The following MACROD2 variants were observed in gnomAD, a reference collection of about 807,000 sequenced individuals.
MACROD2 encodes ADP-ribose glycohydrolase MACROD2.
In MACROD2, 36 loss-of-function variants were observed where a neutral mutation model predicts 70.4. That is an observed-to-expected ratio of 0.51 (90% CI 0.39 to 0.68). The LOEUF (loss-of-function observed/expected upper bound fraction) is 0.68. Among genes scored for constraint, MACROD2 ranks in the 30% least tolerant of loss-of-function variants. MACROD2 has a pLI of 0.00. For synonymous variants in MACROD2, 172 were observed against 178.8 expected, an observed-to-expected ratio of 0.96 and a Z score of 0.30; for missense variants, 496 against 538.4, an observed-to-expected ratio of 0.92 and a Z score of 0.78.
chr20:15,266,920 G>GC (rs1180273013), intron 6 of MACROD2, among the ~76,000 whole-genome samples: 3 of 152,208 alleles, frequency 2.0e-5, no homozygotes, highest in African/African-American at 7.2e-5. Context: ...ATTCTAGAGG[G>GC]CAGGGGCGCG....
chr20:15,014,387 A>G (rs1600948169), intron 5 of MACROD2, among the ~76,000 whole-genome samples: 2 of 152,310 alleles, frequency 1.3e-5, no homozygotes, highest in East Asian at 3.9e-4. Flanking sequence ...ACTAGCATTT[A>G]CCCAACTATC....
intron 8 of MACROD2, among the ~76,000 whole-genome samples, chr20:15,816,633 C>T (rs999305368): frequency 3.9e-5 from 6 of 152,162 alleles, no homozygotes; most frequent in African/African-American, 1.2e-4. Flanking sequence ...TCTGCTCCTT[C>T]GATATTTGAC....
At chr20:14,687,827 T>G (rs1281722716) in intron 5 of MACROD2, among the ~76,000 whole-genome samples, 2 of 152,194 alleles carry the variant, frequency 1.3e-5, no homozygotes, top group Non-Finnish European at 2.9e-5. Flanking sequence ...ATTTAAAAGG[T>G]TAATGATTTA....
At chr20:15,488,705 T>A (rs1487320649) in intron 7 of MACROD2, among the ~76,000 whole-genome samples, 1 of 152,190 alleles carries the variant, frequency 6.6e-6, no homozygotes, top group Non-Finnish European at 1.5e-5. Context: ...CATTTTCATC[T>A]CTCAGTAGAT....
At chr20:15,965,626 A>G (rs1293321646) in intron 12 of MACROD2, among the ~76,000 whole-genome samples, 3 of 152,146 alleles carry the variant, frequency 2.0e-5, no homozygotes, top group Non-Finnish European at 4.4e-5. Context: ...TAAATCTAAA[A>G]CACTTTCAAA....
At chr20:14,983,160 TG>T (rs1377293071) in intron 5 of MACROD2, among the ~76,000 whole-genome samples, 1 of 152,200 alleles carries the variant, frequency 6.6e-6, no homozygotes, top group Admixed American at 6.5e-5. Flanking sequence ...CCCTTTGTTT[TG>T]GCCAATTTCT....
intron 3 of MACROD2, among the ~76,000 whole-genome samples, chr20:14,208,518 A>G (rs917129495): frequency 6.6e-6 from 1 of 152,220 alleles, no homozygotes; most frequent in Non-Finnish European, 1.5e-5. Flanking sequence ...AGTTCAGAAC[A>G]GATTAAAGCT....
At chr20:14,816,025 A>G (rs1054526124) in intron 5 of MACROD2, among the ~76,000 whole-genome samples, 2 of 152,072 alleles carry the variant, frequency 1.3e-5, no homozygotes, top group Non-Finnish European at 2.9e-5. Context: ...TAACACTATC[A>G]GATGTTCCTT....
At chr20:15,516,581 C>G (rs2047570445) in intron 8 of MACROD2, among the ~76,000 whole-genome samples, 2 of 152,128 alleles carry the variant, frequency 1.3e-5, no homozygotes, top group Non-Finnish European at 1.5e-5. Context: ...AAGGAAGACT[C>G]TGGGTGCGTT....
chr20:14,036,877 A>G (rs1399338767), intron 2 of MACROD2, among the ~76,000 whole-genome samples: 1 of 152,132 alleles, frequency 6.6e-6, no homozygotes, highest in East Asian at 1.9e-4. Context: ...TTCCCAGACC[A>G]TGTTGATTAT....
intron 6 of MACROD2, among the ~76,000 whole-genome samples, chr20:15,428,900 A>G (rs567512876): frequency 6.7e-6 from 1 of 149,798 alleles, no homozygotes; most frequent in Non-Finnish European, 1.5e-5. Flanking sequence ...GTTGTCAAAC[A>G]TTTTTTTTTT....
intron 3 of MACROD2, chr20:14,223,155 G>A (rs2081696613): frequency 6.6e-6 from 1 of 152,212 alleles, no homozygotes; most frequent in Non-Finnish European, 1.5e-5. Context: ...TGTCCACACT[G>A]TTTGGCATCA....
At chr20:15,757,706 C>G (rs1335633260) in intron 8 of MACROD2, among the ~76,000 whole-genome samples, 1 of 152,126 alleles carries the variant, frequency 6.6e-6, no homozygotes, top group Non-Finnish European at 1.5e-5. Context: ...TGAGGACCCT[C>G]TTTCTCATTT....
chr20:14,567,313 T>C (rs1255234699), intron 4 of MACROD2, among the ~76,000 whole-genome samples: 1 of 152,016 alleles, frequency 6.6e-6, no homozygotes, highest in Non-Finnish European at 1.5e-5. Flanking sequence ...TTTGATAGTA[T>C]TAAAAAGAAT....
In MACROD2 at chr20:14,943,356, AT is replaced by A. The variant is rs542243403; in HGVS notation, c.418+258408del. On this transcript the variant is annotated intron_variant, in intron 5 of 17. Coordinates refer to ENST00000684519, the MANE Select transcript of MACROD2 (RefSeq NM_001351661.2). The stretch of plus-strand genomic sequence containing the variant: ...TTTTTATTTAAGTTTTATAGTACAG[AT>A]TTTTTTTTTTCATTTTTTACCTAGT... Among the ~76,000 whole-genome samples, 170 of 148,672 alleles carry A rather than the reference AT, an allele frequency of 1.1e-3. 3 individuals carry two copies. The East Asian group carries it at 0.024, about 21-fold the overall frequency.
chr20:15,572,437 A>G (rs2048388293), intron 8 of MACROD2, among the ~76,000 whole-genome samples: 1 of 152,118 alleles, frequency 6.6e-6, no homozygotes, highest in African/African-American at 2.4e-5. Context: ...TTAATTTCTG[A>G]AAAGCAGAAT....
At chr20:15,407,408 T>G (rs1371957083) in intron 6 of MACROD2, among the ~76,000 whole-genome samples, 1 of 152,188 alleles carries the variant, frequency 6.6e-6, no homozygotes, top group African/African-American at 2.4e-5. Flanking sequence ...ACACTCTCAC[T>G]TTTCTTCTTC....
chr20:14,757,917 G>T, intron 5 of MACROD2: 1 of 1,222,108 alleles, frequency 8.2e-7, no homozygotes, highest in Non-Finnish European at 1.2e-6. Flanking sequence ...CTCACAAGAG[G>T]GAAAGCCGAC....
chr20:14,247,100 C>T (rs1413634336), intron 3 of MACROD2, among the ~76,000 whole-genome samples: 1 of 152,172 alleles, frequency 6.6e-6, no homozygotes, highest in African/African-American at 2.4e-5. Context: ...ATAACTAAAT[C>T]ACTAACTTTG....
Sources: gnomAD v4.1 joint callset for allele counts (sites outside exome capture counted in the v4.1 genomes callset) on GRCh38, gnomAD v4.1.1 for gene constraint, MANE v1.5 for transcripts, NCBI Gene and HGNC (gene_info 2026-07-23, HGNC 2026-07-21) for gene names.